The following TIMP2 variants were observed in gnomAD, a reference collection of about 807,000 sequenced individuals.
The protein encoded by TIMP2 is metalloproteinase inhibitor 2.
A neutral mutation model predicts 24.3 loss-of-function variants in TIMP2; 5 were observed. The observed-to-expected ratio is 0.21, with a 90% confidence interval of 0.11 to 0.43. The LOEUF is 0.43. Among genes scored for constraint, TIMP2 ranks in the 20% least tolerant of loss-of-function variants. The pLI is 1.00. For synonymous variants in TIMP2, 130 were observed against 123.2 expected, an observed-to-expected ratio of 1.06 and a Z score of -0.37; for missense variants, 221 against 297.5, an observed-to-expected ratio of 0.74 and a Z score of 1.89.
intron 1 of TIMP2, among the ~76,000 whole-genome samples, chr17:78,912,829 C>A (rs917933719): frequency 4.6e-5 from 7 of 152,206 alleles, no homozygotes; most frequent in Admixed American, 3.3e-4. Context: ...CCTTGATCAC[C>A]GCCATTCAAC....
intron 2 of TIMP2, among the ~76,000 whole-genome samples, chr17:78,873,414 C>T (rs1173822490): frequency 2.6e-5 from 4 of 152,000 alleles, no homozygotes; most frequent in African/African-American, 4.8e-5. Context: ...GATTCTCCCA[C>T]CTCAGCCTCC....
intron 1 of TIMP2, chr17:78,897,240 C>T (rs971668745): frequency 6.6e-6 from 1 of 152,552 alleles, no homozygotes; most frequent in Non-Finnish European, 1.5e-5. Context: ...CACAGTCAGG[C>T]CTGCACCCCG....
At chr17:78,890,692 C>T in intron 1 of TIMP2, 2 of 1,550,604 alleles carry the variant, frequency 1.3e-6, no homozygotes, top group Non-Finnish European at 1.7e-6. Context: ...CAAGAAACTG[C>T]TTGTGCAACC....
At chr17:78,870,588 C>T (rs761022125) in intron 3 of TIMP2, among the ~76,000 whole-genome samples, 21 of 152,084 alleles carry the variant, frequency 1.4e-4, no homozygotes, top group Non-Finnish European at 2.8e-4. Context: ...GCCCTCCCGA[C>T]GGCAGAAAGG....
intron 1 of TIMP2, among the ~76,000 whole-genome samples, chr17:78,883,877 T>TCC (rs1251435490): frequency 6.6e-6 from 1 of 152,114 alleles, no homozygotes; most frequent in African/African-American, 2.4e-5. Context: ...GGGGCCCACG[T>TCC]CCCGCTGCCC....
At position 78,891,346 on chromosome 17, in the gene TIMP2, G is replaced by A. The variant is rs144266402; in HGVS notation, c.131-17427C>T. 139 of 1,550,374 alleles carry A rather than the reference G, an allele frequency of 9.0e-5. No individual in the cohort carries two copies. The highest frequency in any genetic ancestry group is 4.1e-4 in the African/African-American group (30 of 73,100). On this transcript the variant is annotated intron_variant, in intron 1 of 4. Coordinates refer to ENST00000262768, the MANE Select transcript of TIMP2 (RefSeq NM_003255.5). The surrounding 1 kb of genome is among the most constrained non-coding windows in gnomAD (Gnocchi z 4.5). ...TTTTCTTCCCTCTTGGGGTCCCAGC[G>A]CCACACTCTTGCATCTCTGAGAAGG...
At chr17:78,887,753 G>GA (rs562106009) in intron 1 of TIMP2, among the ~76,000 whole-genome samples, 1,547 of 136,958 alleles carry the variant, frequency 0.011, 25 homozygotes, top group African/African-American at 0.035. Flanking sequence ...AAAAAAATAG[G>GA]AAAAAAAAAA....
intron 1 of TIMP2, among the ~76,000 whole-genome samples, chr17:78,906,652 G>A (rs889647303): frequency 3.3e-5 from 5 of 151,896 alleles, no homozygotes; most frequent in East Asian, 1.9e-4. Flanking sequence ...GTGCGATCTC[G>A]GCTCACTGCA....
chr17:78,904,462 G>C (rs2070138901), intron 1 of TIMP2: 1 of 152,098 alleles, frequency 6.6e-6, no homozygotes, highest in African/African-American at 2.4e-5. Context: ...TCTCAGGAGA[G>C]CTGAACCTGA....
At position 78,893,704 on chromosome 17, in the gene TIMP2, A is replaced by G. The variant is rs191317547; in HGVS notation, c.131-19785T>C. ...TGCAAGTCTGATACTTGAATCCAGTAGAAACCAGAGAGGAGGAGAAGCTGG... is the reference window on the plus strand; with the variant it reads ...TGCAAGTCTGATACTTGAATCCAGTGGAAACCAGAGAGGAGGAGAAGCTGG... On this transcript the variant is annotated intron_variant, in intron 1 of 4. Transcript: ENST00000262768. 3.7e-3 allele frequency among the ~76,000 whole-genome samples: 560 copies of G among 152,166 alleles called. 2 individuals are homozygous for G. Among genetic ancestry groups the G allele is most frequent in the African/African-American group, 0.013 (525 of 41,482 alleles).
chr17:78,904,482 C>T (rs931639314), intron 1 of TIMP2: 17 of 152,178 alleles, frequency 1.1e-4, no homozygotes, highest in East Asian at 9.7e-4. Context: ...AGACAAAGCC[C>T]TTTGTCCTGG....
At chr17:78,914,008 T>C (rs2070232353) in intron 1 of TIMP2, among the ~76,000 whole-genome samples, 1 of 152,150 alleles carries the variant, frequency 6.6e-6, no homozygotes, top group Admixed American at 6.6e-5. Flanking sequence ...GTAATTATTT[T>C]AAAGTTAGAA....
At chr17:78,890,602 T>C (rs2145767477) in intron 1 of TIMP2, 1 of 1,532,316 alleles carries the variant, frequency 6.5e-7, no homozygotes, top group Non-Finnish European at 8.8e-7. Flanking sequence ...AGCACCATTA[T>C]CAGTGATGTA....
rs577042368 is a variant in TIMP2 at position 78,893,140 on chromosome 17, T to C, written c.131-19221A>G. Among the ~76,000 whole-genome samples the C allele has an allele frequency of 8.8e-4, 128 of 146,078 alleles. 2 individuals carry two copies. In the East Asian group the frequency reaches 0.015, roughly 17 times the overall value. On this transcript the variant is annotated intron_variant, in intron 1 of 4. Transcript: ENST00000262768. ...GCACATGTGTGTGCAGGGGTGTGTG[T>C]GCGTACATGTGTGTGCAGGGGTGTG...
intron 3 of TIMP2, among the ~76,000 whole-genome samples, chr17:78,864,767 A>G (rs1023803588): frequency 1.3e-5 from 2 of 151,914 alleles, no homozygotes; most frequent in African/African-American, 4.9e-5. Flanking sequence ...AATAAAATCT[A>G]CCAGCCGGGT....
At chr17:78,907,912 T>A (rs950685172) in intron 1 of TIMP2, among the ~76,000 whole-genome samples, 4 of 152,112 alleles carry the variant, frequency 2.6e-5, no homozygotes, top group Non-Finnish European at 5.9e-5. Context: ...GGTGGGAGGA[T>A]CACTTGAGCT....
chr17:78,863,182 G>A (rs1029225219), intron 3 of TIMP2, among the ~76,000 whole-genome samples: 6 of 152,180 alleles, frequency 3.9e-5, no homozygotes, highest in African/African-American at 9.7e-5. Flanking sequence ...CAGCGCATAA[G>A]CGTTCCTAAG....
intron 3 of TIMP2, among the ~76,000 whole-genome samples, chr17:78,868,517 C>T (rs919407062): frequency 6.6e-6 from 1 of 152,258 alleles, no homozygotes; most frequent in African/African-American, 2.4e-5. Context: ...TCCTACATTG[C>T]TGGGATTACA....
At position 78,896,779 on chromosome 17, in the gene TIMP2, C is replaced by T. The variant is rs1568002469; in HGVS notation, c.131-22860G>A. Among the ~76,000 whole-genome samples the T allele has an allele frequency of 6.6e-6, 1 of 152,154 alleles. No homozygotes were observed. Among genetic ancestry groups the T allele is most frequent in the African/African-American group, 2.4e-5 (1 of 41,430 alleles). ...CTCCGGACGGCACCAGGGCCTCCCA[C>T]AGAGCGGAGTGGACACTGGGCCCAT... On this transcript the variant is annotated intron_variant, in intron 1 of 4. Transcript: ENST00000262768. The surrounding 1 kb of genome is among the most constrained non-coding windows in gnomAD (Gnocchi z 4.4).
Sources: gnomAD v4.1 joint callset for allele counts (sites outside exome capture counted in the v4.1 genomes callset) on GRCh38, gnomAD v4.1.1 for gene constraint, Gnocchi (gnomAD v3.1) non-coding constraint, MANE v1.5 for transcripts, NCBI Gene and HGNC (gene_info 2026-07-23, HGNC 2026-07-21) for gene names.